PTPRR: variants seen among roughly 807,000 people sequenced by gnomAD.
PTPRR encodes protein tyrosine phosphatase receptor type R.
A neutral mutation model predicts 77.2 loss-of-function variants in PTPRR; 38 were observed. The observed-to-expected ratio is 0.49, with a 90% CI of 0.38 to 0.65. The LOEUF is 0.65. PTPRR is among the 30% of genes least tolerant of loss of function. The pLI is 0.00. For synonymous variants in PTPRR, 299 were observed against 283.1 expected (o/e 1.06, Z -0.57); for missense variants, 744 against 799.2 (o/e 0.93, Z 0.83).
Position 70,638,946 on chromosome 12 carries a change from A to G in PTPRR, c.*238T>C, listed in dbSNP as rs1232023298. On this transcript the variant is annotated 3_prime_UTR_variant, in exon 14 of 14. Coordinates refer to ENST00000283228, the MANE Select transcript of PTPRR (RefSeq NM_002849.4). ...CTGCCTTAGGCTGTGTGATAAACCT[A>G]TCATACCTCCATCATCAAAAAACCT... is the stretch of plus-strand genomic sequence containing the variant. 3.8e-6 allele frequency: 2 copies of G among 524,582 alleles called. No individual in the cohort carries two copies. Among genetic ancestry groups the G allele is most frequent in the African/African-American group, 1.9e-5 (1 of 52,198 alleles). 32.5% of individuals were successfully genotyped at this position (524,582 alleles called of 1,614,324 possible). A position where few individuals can be genotyped will look rare whatever the true frequency, so the allele number is the denominator to read the frequency against.
chr12:70,853,086 G>A (rs1279565525), intron 2 of PTPRR, among the ~76,000 whole-genome samples: 1 of 152,134 alleles, frequency 6.6e-6, no homozygotes, highest in Non-Finnish European at 1.5e-5. Flanking sequence ...CAAGTGTTAG[G>A]ACTTTTATTT....
chr12:70,879,211 C>G (rs1893106526), intron 2 of PTPRR, among the ~76,000 whole-genome samples: 1 of 151,990 alleles, frequency 6.6e-6, no homozygotes, highest in South Asian at 2.1e-4. Context: ...TGTAACAAAC[C>G]TGCACATTGC....
chr12:70,694,759 C>A (rs925474437), intron 8 of PTPRR, among the ~76,000 whole-genome samples: 2 of 152,070 alleles, frequency 1.3e-5, no homozygotes, highest in African/African-American at 4.8e-5. Flanking sequence ...CAGCATCACA[C>A]AATATACCCT....
At chr12:70,653,002 A>T (rs1886451884) in intron 13 of PTPRR, among the ~76,000 whole-genome samples, 1 of 152,206 alleles carries the variant, frequency 6.6e-6, no homozygotes, top group Admixed American at 6.5e-5. Flanking sequence ...TCCAAATAGG[A>T]TCAGAACAGG....
intron 2 of PTPRR, among the ~76,000 whole-genome samples, chr12:70,871,140 G>C (rs558189587): frequency 6.6e-6 from 1 of 152,132 alleles, no homozygotes; most frequent in African/African-American, 2.4e-5. Flanking sequence ...GCTTGAGGGT[G>C]CTCCCCTTCA....
At chr12:70,747,183 T>C (rs963400573) in intron 5 of PTPRR, among the ~76,000 whole-genome samples, 1 of 152,224 alleles carries the variant, frequency 6.6e-6, no homozygotes, top group African/African-American at 2.4e-5. Context: ...ACTGCTTCTC[T>C]TCAGTTTCCA....
At chr12:70,724,073 A>G (rs1459523045) in intron 6 of PTPRR, among the ~76,000 whole-genome samples, 1 of 152,196 alleles carries the variant, frequency 6.6e-6, no homozygotes, top group Admixed American at 6.5e-5. Flanking sequence ...CTAAGTTGGA[A>G]GTTGTAAAAA....
At chr12:70,717,558 A>G (rs1406829584) in intron 6 of PTPRR, among the ~76,000 whole-genome samples, 2 of 152,336 alleles carry the variant, frequency 1.3e-5, no homozygotes, top group East Asian at 3.9e-4. Context: ...GATTTTGAAA[A>G]ATAGCTCTAT....
Position 70,824,319 on chromosome 12 carries a change from T to C in PTPRR, c.358-59541A>G, listed in dbSNP as rs117754116. 6.3e-3 allele frequency among the ~76,000 whole-genome samples: 967 copies of C among 152,342 alleles called. 3 individuals carry two copies. Among genetic ancestry groups the C allele is most frequent in the Non-Finnish European group, 9.5e-3 (646 of 68,026 alleles). On this transcript the variant is annotated intron_variant, in intron 2 of 13. Coordinates refer to ENST00000283228, the MANE Select transcript of PTPRR (RefSeq NM_002849.4). The stretch of plus-strand genomic sequence containing the variant: ...ACAAATACTTTTCTTTTTTGGTAAA[T>C]GCTTCTCAAGTAGAAACAAATACTT...
At chr12:70,864,552 C>A (rs770054286) in intron 2 of PTPRR, among the ~76,000 whole-genome samples, 1 of 152,166 alleles carries the variant, frequency 6.6e-6, no homozygotes, top group Non-Finnish European at 1.5e-5. Context: ...ATTATAAATA[C>A]CATCATCACT....
At chr12:70,832,802 G>A (rs1892237362) in intron 2 of PTPRR, among the ~76,000 whole-genome samples, 1 of 152,126 alleles carries the variant, frequency 6.6e-6, no homozygotes, top group Non-Finnish European at 1.5e-5. Context: ...TACAAGCATG[G>A]ACCAGCATTG....
At chr12:70,869,419 C>T (rs1565724692) in intron 2 of PTPRR, among the ~76,000 whole-genome samples, 3 of 152,108 alleles carry the variant, frequency 2.0e-5, no homozygotes, top group Admixed American at 1.3e-4. Flanking sequence ...GTTGATGGAG[C>T]TGTCCTGAGT....
At chr12:70,671,466 A>G (rs1265363088) in intron 10 of PTPRR, among the ~76,000 whole-genome samples, 3 of 152,250 alleles carry the variant, frequency 2.0e-5, no homozygotes, top group Non-Finnish European at 4.4e-5. Flanking sequence ...ACATTAAAAA[A>G]GACAGGAGGC....
chr12:70,837,318 T>C (rs986763633), intron 2 of PTPRR, among the ~76,000 whole-genome samples: 1 of 152,156 alleles, frequency 6.6e-6, no homozygotes, highest in Admixed American at 6.6e-5. Flanking sequence ...CTATTTCTTA[T>C]ATTTCATGCT....
intron 2 of PTPRR, among the ~76,000 whole-genome samples, chr12:70,852,328 T>C (rs1892585083): frequency 6.6e-6 from 1 of 152,062 alleles, no homozygotes; most frequent in Non-Finnish European, 1.5e-5. Flanking sequence ...GCATGCTATA[T>C]GAAAGAAATT....
chr12:70,733,441 A>AAAAG (rs1555171087), intron 6 of PTPRR, among the ~76,000 whole-genome samples: 38 of 94,124 alleles, frequency 4.0e-4, no homozygotes, highest in African/African-American at 1.4e-3. Context: ...AAAAAAAAAA[A>AAAAG]AAAAGAAAGA....
chr12:70,642,501 A>T (rs1163783041), intron 13 of PTPRR, among the ~76,000 whole-genome samples: 1 of 152,184 alleles, frequency 6.6e-6, no homozygotes, highest in Non-Finnish European at 1.5e-5. Flanking sequence ...AGAAAAAGAG[A>T]CAAAGTAGGG....
At chr12:70,703,847 T>A (rs1888518169) in intron 6 of PTPRR, among the ~76,000 whole-genome samples, 1 of 152,048 alleles carries the variant, frequency 6.6e-6, no homozygotes, top group Admixed American at 6.6e-5. Context: ...GATGGTGAGA[T>A]CTCTTCCATC....
chr12:70,721,671 T>C (rs896899683), intron 6 of PTPRR, among the ~76,000 whole-genome samples: 7 of 152,218 alleles, frequency 4.6e-5, no homozygotes, highest in East Asian at 1.9e-4. Context: ...ACTGGAATTA[T>C]GAATTCTGCA....
Sources: gnomAD v4.1 joint callset for allele counts (sites outside exome capture counted in the v4.1 genomes callset) on GRCh38, gnomAD v4.1.1 for gene constraint, MANE v1.5 for transcripts, NCBI Gene and HGNC (gene_info 2026-07-23, HGNC 2026-07-21) for gene names.